The following NRXN1 variants were observed in gnomAD, a reference collection of about 807,000 sequenced individuals.
The protein encoded by NRXN1 is neurexin 1.
A neutral mutation model predicts 150.9 loss-of-function variants in NRXN1; 39 were observed. The observed-to-expected ratio is 0.26, with a 90% CI of 0.20 to 0.34. The LOEUF (loss-of-function observed/expected upper bound fraction) is 0.34. NRXN1 is among the 10% of genes least tolerant of loss of function. The pLI is 1.00. For missense variants in NRXN1, 1,815 were observed against 1,949.9 expected, an observed-to-expected ratio of 0.93 and a Z score of 1.30; for synonymous variants, 924 against 757.0, an observed-to-expected ratio of 1.22 and a Z score of -3.62.
chr2:50,690,716 A>G (rs1189716946), intron 5 of NRXN1, among the ~76,000 whole-genome samples: 1 of 152,178 alleles, frequency 6.6e-6, no homozygotes, highest in African/African-American at 2.4e-5. Flanking sequence ...TGTAGCACAG[A>G]CCTGATCAAA....
intron 18 of NRXN1, among the ~76,000 whole-genome samples, chr2:50,159,974 C>G (rs1478626104): frequency 1.3e-5 from 2 of 152,114 alleles, no homozygotes; most frequent in East Asian, 1.9e-4. Flanking sequence ...TAAATGTTTA[C>G]AAAGATAAAC....
At chr2:50,396,702 G>A (rs961541707) in intron 17 of NRXN1, among the ~76,000 whole-genome samples, 2 of 152,188 alleles carry the variant, frequency 1.3e-5, no homozygotes, top group South Asian at 2.1e-4. Flanking sequence ...AGGGACTCAC[G>A]CACTCTCAGG....
rs142580772 is a variant in NRXN1 at position 49,961,199 on chromosome 2, C to T, written c.4129-17408G>A. ...CCACAGGAGACCCCAGTATCTCCTG[C>T]ATTTTGTTACTGACTGAACCCTTCA... is the stretch of plus-strand genomic sequence containing the variant. On this transcript the variant is annotated intron_variant, in intron 21 of 22. Coordinates refer to ENST00000401669, the MANE Select transcript of NRXN1 (RefSeq NM_001330078.2). Among the ~76,000 whole-genome samples the T allele has an allele frequency of 2.9e-3, 441 of 152,072 alleles. 2 individuals are homozygous for T. The highest frequency in any genetic ancestry group is 0.01 in the African/African-American group (428 of 41,470).
Position 49,922,974 on chromosome 2 carries a change from T to C in NRXN1, c.4217-723A>G, listed in dbSNP as rs77144399. ...TTAAATACAGTCTAGATTGATTTTT[T>C]GGTCAAAACTCTGAACTACCTAATA... On this transcript the variant is annotated intron_variant, in intron 22 of 22. Coordinates refer to ENST00000401669, the MANE Select transcript of NRXN1 (RefSeq NM_001330078.2). Among the ~76,000 whole-genome samples the C allele has an allele frequency of 3.8e-3, 575 of 152,324 alleles. 3 individuals carry two copies. Among genetic ancestry groups the C allele is most frequent in the African/African-American group, 0.013 (549 of 41,582 alleles).
chr2:50,475,944 A>G (rs1238888320), intron 15 of NRXN1, among the ~76,000 whole-genome samples: 2 of 152,008 alleles, frequency 1.3e-5, no homozygotes, highest in African/African-American at 4.8e-5. Flanking sequence ...GAAGGAGGAT[A>G]TACTTAATGG....
chr2:50,039,149 C>T (rs1300775390), intron 21 of NRXN1, among the ~76,000 whole-genome samples: 1 of 152,000 alleles, frequency 6.6e-6, no homozygotes, highest in Non-Finnish European at 1.5e-5. Flanking sequence ...TGTACTCCAG[C>T]CTGAGCAACA....
At chr2:50,128,543 A>G (rs767258905) in intron 18 of NRXN1, among the ~76,000 whole-genome samples, 5 of 152,226 alleles carry the variant, frequency 3.3e-5, no homozygotes, top group Non-Finnish European at 5.9e-5. Flanking sequence ...TGTGAATGAT[A>G]TGCCACTTAG....
chr2:50,426,846 C>T (rs1266887704), intron 17 of NRXN1, among the ~76,000 whole-genome samples: 1 of 152,188 alleles, frequency 6.6e-6, no homozygotes, highest in Non-Finnish European at 1.5e-5. Flanking sequence ...AATATACATT[C>T]TCTCTGCTCC....
intron 5 of NRXN1, among the ~76,000 whole-genome samples, chr2:50,647,140 C>T (rs1020553974): frequency 2.6e-5 from 4 of 151,772 alleles, no homozygotes; most frequent in Admixed American, 6.6e-5. Context: ...TCAAACACAT[C>T]TCAATTTTAG....
intron 17 of NRXN1, among the ~76,000 whole-genome samples, chr2:50,241,517 T>C (rs771230840): frequency 2.4e-4 from 37 of 151,816 alleles, no homozygotes; most frequent in Middle Eastern, 3.2e-3. Flanking sequence ...GCTGAATGTA[T>C]GAATGACTGA....
chr2:50,140,993 G>C (rs1196347112), intron 18 of NRXN1, among the ~76,000 whole-genome samples: 1 of 151,822 alleles, frequency 6.6e-6, no homozygotes, highest in African/African-American at 2.4e-5. Flanking sequence ...CATATATAAA[G>C]CACAGATTGA....
intron 5 of NRXN1, among the ~76,000 whole-genome samples, chr2:50,718,334 T>C (rs1696142696): frequency 6.6e-6 from 1 of 152,036 alleles, no homozygotes; most frequent in African/African-American, 2.4e-5. Context: ...TTAAAGAAAG[T>C]TGGATGTGGA....
chr2:50,123,423 G>A (rs1334419690), intron 18 of NRXN1, among the ~76,000 whole-genome samples: 2 of 152,152 alleles, frequency 1.3e-5, no homozygotes, highest in South Asian at 2.1e-4. Flanking sequence ...TGGAGCAAAT[G>A]GGTCATGTGG....
intron 18 of NRXN1, among the ~76,000 whole-genome samples, chr2:50,192,134 C>G (rs1460217179): frequency 6.6e-6 from 1 of 151,986 alleles, no homozygotes; most frequent in Non-Finnish European, 1.5e-5. Context: ...AGAATTGTGC[C>G]TGTATCCCAG....
At chr2:50,932,024 G>A (rs1375996159) in intron 2 of NRXN1, among the ~76,000 whole-genome samples, 6 of 151,878 alleles carry the variant, frequency 4.0e-5, no homozygotes, top group Admixed American at 3.9e-4. Flanking sequence ...ACCATGCTCT[G>A]CTAATTTTTG....
At chr2:50,723,744 C>A (rs1213935195) in intron 5 of NRXN1, among the ~76,000 whole-genome samples, 2 of 152,174 alleles carry the variant, frequency 1.3e-5, no homozygotes, top group African/African-American at 4.8e-5. Flanking sequence ...GCAGACACAA[C>A]GTGGTCAGGG....
intron 17 of NRXN1, among the ~76,000 whole-genome samples, chr2:50,396,192 C>A (rs899917427): frequency 2.0e-5 from 3 of 152,120 alleles, no homozygotes; most frequent in Admixed American, 1.3e-4. Context: ...GCAGAACTGC[C>A]AAAATCTTCA....
At chr2:50,397,874 A>T (rs2103893885) in intron 17 of NRXN1, among the ~76,000 whole-genome samples, 1 of 152,304 alleles carries the variant, frequency 6.6e-6, no homozygotes, top group East Asian at 1.9e-4. Context: ...AAAAAGTCAC[A>T]TTCTAATGGC....
At chr2:50,160,273 G>A (rs2059281970) in intron 18 of NRXN1, among the ~76,000 whole-genome samples, 1 of 152,072 alleles carries the variant, frequency 6.6e-6, no homozygotes, top group South Asian at 2.1e-4. Flanking sequence ...AGACGCAGTT[G>A]CTAACGTCTG....
Sources: allele counts gnomAD v4.1 joint callset (sites outside exome capture counted in the v4.1 genomes callset), GRCh38; gene constraint gnomAD v4.1.1; transcripts MANE v1.5; gene names NCBI Gene and HGNC (gene_info 2026-07-23, HGNC 2026-07-21).